Variants in ARID4B observed in about 807,000 individuals in gnomAD.
ARID4B encodes AT-rich interactive domain-containing protein 4B.
A neutral mutation model predicts 147.5 loss-of-function variants in ARID4B; 26 were observed. The observed-to-expected ratio is 0.18, with a 90% CI of 0.13 to 0.24. The LOEUF (loss-of-function observed/expected upper bound fraction) is 0.24. Ranked by LOEUF, ARID4B falls within the 10% of genes least tolerant of loss-of-function variation. ARID4B has a pLI of 1.00. For synonymous variants in ARID4B, 512 were observed against 507.9 expected (o/e 1.01, Z -0.11); for missense variants, 1,179 against 1,511.5 (o/e 0.78, Z 3.65).
At chr1:235,236,142 T>C (rs1352124875) in intron 8 of ARID4B, among the ~76,000 whole-genome samples, 1 of 152,044 alleles carries the variant, frequency 6.6e-6, no homozygotes, top group Non-Finnish European at 1.5e-5. Flanking sequence ...ACTCGATTTA[T>C]AAAAATAACA....
At chr1:235,208,312 TGA>T (rs1371194552) in intron 17 of ARID4B, among the ~76,000 whole-genome samples, 1 of 152,082 alleles carries the variant, frequency 6.6e-6, no homozygotes, top group Non-Finnish European at 1.5e-5. Context: ...CTTAGAAACT[TGA>T]GAGTGAAAGG....
At chr1:235,285,368 C>T (rs894628060) in intron 2 of ARID4B, among the ~76,000 whole-genome samples, 1 of 152,104 alleles carries the variant, frequency 6.6e-6, no homozygotes, top group Non-Finnish European at 1.5e-5. Context: ...AACAGATTAC[C>T]TCAATATATC....
intron 8 of ARID4B, among the ~76,000 whole-genome samples, chr1:235,235,366 G>A (rs1462298503): frequency 6.6e-6 from 1 of 152,136 alleles, no homozygotes; most frequent in African/African-American, 2.4e-5. Flanking sequence ...ATAAATTTGA[G>A]AGCCCACAGC....
chr1:235,230,902 A>T (rs7517863), intron 10 of ARID4B, among the ~76,000 whole-genome samples: 19,555 of 150,596 alleles, frequency 0.13, 1,475 homozygotes, highest in African/African-American at 0.2. Flanking sequence ...TGGGCGACAG[A>T]GCAAGACTCT....
At chr1:235,282,277 C>T (rs888941366) in intron 2 of ARID4B, among the ~76,000 whole-genome samples, 3 of 152,112 alleles carry the variant, frequency 2.0e-5, no homozygotes, top group Non-Finnish European at 4.4e-5. Context: ...GTCTCAGAAA[C>T]CCAAGATCTA....
chr1:235,210,285 G>T (rs1307651213), intron 17 of ARID4B, among the ~76,000 whole-genome samples: 3 of 151,782 alleles, frequency 2.0e-5, no homozygotes, highest in South Asian at 4.2e-4. Flanking sequence ...ATGGAAATAG[G>T]TCCACACAAA....
chr1:235,240,434 G>A lies in ARID4B; in HGVS notation c.464C>T (p.Ser155Leu). The A allele has an allele frequency of 6.2e-7, 1 of 1,613,218 alleles. No homozygotes were observed. The highest frequency in any genetic ancestry group is 8.5e-7 in the Non-Finnish European group (1 of 1,179,502). ...RSNHIPEEES[S>L]SSSSDEDEDD... ...CTCATCTTCATCACTGGAGGATGAT[G>A]AAGACTCTTCCTCTGGTCTAGGGAG... The change falls in exon 8 of 24, where the codon TCA (serine) becomes TTA (leucine). Residue 155 changes from serine to leucine, a missense_variant. Physicochemically the swap from Ser to Leu is moderately radical, Grantham distance 145. Around this residue, in one of 10 missense-constraint regions of ARID4B, gnomAD observed 159 missense variants for 190.5 expected, o/e 0.83. Coordinates refer to ENST00000264183, the MANE Select transcript of ARID4B (RefSeq NM_016374.6).
In ARID4B at chr1:235,168,367, AT is replaced by A; in HGVS notation, c.*157del. On this transcript the variant is annotated 3_prime_UTR_variant, in exon 24 of 24. Coordinates refer to ENST00000264183, the MANE Select transcript of ARID4B (RefSeq NM_016374.6). ...AAGCAGTTCATTGTACTTTTTCTTC[AT>A]AAAAAAGTGCACTTAAGTGCCAAGT... The A allele has an allele frequency of 1.3e-6, 1 of 746,184 alleles. No homozygotes were observed. The highest frequency in any genetic ancestry group is 2.0e-6 in the Non-Finnish European group (1 of 494,176). The allele number at this position is 746,184 out of a possible 1,614,324, so 46.2% of individuals were successfully genotyped here. A position where few individuals can be genotyped will look rare whatever the true frequency, so the allele number is the denominator to read the frequency against.
chr1:235,193,969 A>G, intron 19 of ARID4B, 44 bp downstream of exon 19: 4 of 1,432,062 alleles, frequency 2.8e-6, no homozygotes. Flanking sequence ...TGACTCATAA[A>G]TTAAAATCAA....
At chr1:235,187,711 T>C (rs888441888) in intron 19 of ARID4B, among the ~76,000 whole-genome samples, 13 of 152,214 alleles carry the variant, frequency 8.5e-5, no homozygotes, top group Non-Finnish European at 1.8e-4. Flanking sequence ...TGTATACATA[T>C]ACATACACAT....
chr1:235,216,303 A>G (rs1667071455), intron 16 of ARID4B, among the ~76,000 whole-genome samples: 1 of 147,860 alleles, frequency 6.8e-6, no homozygotes, highest in African/African-American at 2.6e-5. Flanking sequence ...ATATACATAT[A>G]TATGTATACA....
chr1:235,313,682 G>A (rs961120233), intron 2 of ARID4B, among the ~76,000 whole-genome samples: 1 of 152,176 alleles, frequency 6.6e-6, no homozygotes. Context: ...AGGCTTGGAA[G>A]TAAAATTTAC....
rs186205718 is a variant in ARID4B, at chr1:235,321,836, C to T, written c.6+5078G>A. 3.9e-5 allele frequency among the ~76,000 whole-genome samples: 6 copies of T among 152,036 alleles called. No homozygotes were observed. In the East Asian group the frequency reaches 1.2e-3, roughly 30 times the overall value. On this transcript the variant is annotated intron_variant, in intron 2 of 23. Coordinates refer to ENST00000264183, the MANE Select transcript of ARID4B (RefSeq NM_016374.6). ...TCAAAAAGGCTCAGATCTATCCTCT[C>T]TGCTCCACTTCCAATGCATTAGTTC...
intron 2 of ARID4B, among the ~76,000 whole-genome samples, chr1:235,319,905 G>GATAACA (rs1674704805): frequency 1.3e-5 from 2 of 151,824 alleles, no homozygotes; most frequent in African/African-American, 4.8e-5. Flanking sequence ...GAGGCAGGTG[G>GATAACA]ATAACAAGGT....
In ARID4B at chr1:235,209,427, C is replaced by T. The variant is rs1051953951; in HGVS notation, c.1841+4342G>A. 9.2e-5 allele frequency among the ~76,000 whole-genome samples: 14 copies of T among 152,102 alleles called. No homozygotes were observed. In the South Asian group the frequency reaches 1.0e-3, roughly 11 times the overall value. On this transcript the variant is annotated intron_variant, in intron 17 of 23. Transcript: ENST00000264183. ...CGGAGGTGACAGTGAGATGATATCA[C>T]GGCGCTGCACTCCAGCCTAGACAAC...
At chr1:235,224,478 C>G (rs576802092) in intron 12 of ARID4B, among the ~76,000 whole-genome samples, 1 of 152,266 alleles carries the variant, frequency 6.6e-6, no homozygotes, top group African/African-American at 2.4e-5. Context: ...GTAATAAGTG[C>G]ATTTATGTGT....
At chr1:235,239,293 C>T (rs550158898) in intron 8 of ARID4B, among the ~76,000 whole-genome samples, 52 of 152,208 alleles carry the variant, frequency 3.4e-4, no homozygotes, top group African/African-American at 1.2e-3. Flanking sequence ...TTAAGAGATA[C>T]TGATTATTAA....
chr1:235,188,053 A>G (rs1035458796), intron 19 of ARID4B, among the ~76,000 whole-genome samples: 1 of 152,118 alleles, frequency 6.6e-6, no homozygotes, highest in Non-Finnish European at 1.5e-5. Flanking sequence ...CCCATCTGTA[A>G]AAAGACTGCA....
intron 11 of ARID4B, chr1:235,228,322 G>T (rs1206633659): frequency 7.3e-6 from 1 of 136,172 alleles, no homozygotes; most frequent in African/African-American, 2.8e-5. Flanking sequence ...ATAAGACAGG[G>T]TCTCACTCTG....
Sources: gnomAD v4.1 joint callset for allele counts (sites outside exome capture counted in the v4.1 genomes callset) on GRCh38, gnomAD v4.1.1 for gene constraint, gnomAD v4.1.1 regional missense constraint, MANE v1.5 for transcripts, NCBI Gene and HGNC (gene_info 2026-07-23, HGNC 2026-07-21) for gene names.